Variants in STXBP5 observed in about 807,000 individuals in gnomAD.
STXBP5 encodes syntaxin-binding protein 5.
STXBP5 carries 50 observed loss-of-function variants against 152.4 expected under a neutral mutation model. The ratio of observed to expected loss-of-function variants is 0.33; its 90% CI spans 0.26 to 0.42. STXBP5 has a LOEUF of 0.42. STXBP5 is among the 10% of genes least tolerant of loss of function. The pLI is 1.00. For missense variants in STXBP5, 1,167 were observed against 1,388.6 expected (o/e 0.84, Z 2.54); for synonymous variants, 492 against 494.7 (o/e 0.99, Z 0.07).
At chr6:147,377,490 A>G (rs1785865701) in intron 26 of STXBP5, among the ~76,000 whole-genome samples, 1 of 152,218 alleles carries the variant, frequency 6.6e-6, no homozygotes, top group South Asian at 2.1e-4. Context: ...TGCTATATCA[A>G]AATACCATAA....
chr6:147,378,409 TAAAAAAAA>T (rs34601059), intron 26 of STXBP5, among the ~76,000 whole-genome samples: 1 of 136,064 alleles, frequency 7.3e-6, no homozygotes, highest in East Asian at 2.2e-4. Context: ...GATTTATCAT[TAAAAAAAA>T]AAAAAAAAAA....
intron 4 of STXBP5, among the ~76,000 whole-genome samples, 177 bp downstream of exon 4, chr6:147,239,447 T>A (rs896868140): frequency 6.6e-6 from 1 of 152,228 alleles, no homozygotes; most frequent in East Asian, 1.9e-4. Flanking sequence ...CATCTTACTT[T>A]CTTCAGCAAC....
intron 25 of STXBP5, among the ~76,000 whole-genome samples, chr6:147,364,702 G>T (rs894123060): frequency 1.3e-5 from 2 of 152,178 alleles, no homozygotes; most frequent in Non-Finnish European, 2.9e-5. Context: ...AGTGCTGTAT[G>T]TGCTTCTGTG....
intron 4 of STXBP5, among the ~76,000 whole-genome samples, chr6:147,246,059 G>A (rs1778796570): frequency 6.6e-6 from 1 of 152,200 alleles, no homozygotes; most frequent in African/African-American, 2.4e-5. Flanking sequence ...TGATATTGGT[G>A]AGCCTTGTTA....
At chr6:147,328,923 T>C (rs1257999472) in intron 18 of STXBP5, 1 of 288,328 alleles carries the variant, frequency 3.5e-6, no homozygotes, top group East Asian at 9.1e-5. Flanking sequence ...GACATGTATA[T>C]GAAAACAGCT....
intron 2 of STXBP5, among the ~76,000 whole-genome samples, chr6:147,211,422 GATTA>G (rs1193202984): frequency 6.6e-6 from 1 of 151,552 alleles, no homozygotes; most frequent in African/African-American, 2.4e-5. Context: ...ATGCTAAATT[GATTA>G]ATGACTTTCT....
chr6:147,343,467 A>C (rs1784181799), intron 21 of STXBP5, among the ~76,000 whole-genome samples: 1 of 152,160 alleles, frequency 6.6e-6, no homozygotes, highest in Non-Finnish European at 1.5e-5. Flanking sequence ...AAGCAGTTCT[A>C]ACACCTTTAT....
intron 26 of STXBP5, among the ~76,000 whole-genome samples, chr6:147,378,483 T>C (rs1226786260): frequency 1.3e-5 from 2 of 151,790 alleles, no homozygotes; most frequent in Non-Finnish European, 2.9e-5. Flanking sequence ...ATGTCACTCT[T>C]AATGCAGGAA....
intron 25 of STXBP5, among the ~76,000 whole-genome samples, chr6:147,366,568 C>T (rs923748657): frequency 6.6e-6 from 1 of 152,186 alleles, no homozygotes; most frequent in Non-Finnish European, 1.5e-5. Flanking sequence ...TGGGCCACAT[C>T]ACTGGAATCT....
chr6:147,227,596 T>C (rs1777783563), intron 2 of STXBP5, among the ~76,000 whole-genome samples: 1 of 152,188 alleles, frequency 6.6e-6, no homozygotes, highest in East Asian at 1.9e-4. Context: ...AAGTATCTTA[T>C]AGTTAATTCT....
chr6:147,306,808 T>A (rs2128367026), intron 9 of STXBP5, among the ~76,000 whole-genome samples: 1 of 152,296 alleles, frequency 6.6e-6, no homozygotes, highest in East Asian at 1.9e-4. Flanking sequence ...TGCCATCCCT[T>A]CTGGGGACTG....
intron 19 of STXBP5, among the ~76,000 whole-genome samples, chr6:147,335,681 T>A (rs1408341691): frequency 6.6e-6 from 1 of 152,102 alleles, no homozygotes; most frequent in African/African-American, 2.4e-5. Context: ...GCGCCTGTAG[T>A]CCCAGCTACT....
chr6:147,293,031 T>C (rs1424274677), intron 9 of STXBP5: 1 of 152,168 alleles, frequency 6.6e-6, no homozygotes, highest in African/African-American at 2.4e-5. Context: ...TACTGTACCT[T>C]TTCTATGTTT....
chr6:147,382,758 G>T lies in STXBP5; in HGVS notation c.3194-20G>T. ...ATGTTCATGTTTTGAGTTACTCTTTGATTTATCAAATGTGTTCAGTTGGAG... is the reference window on the plus strand; with the variant it reads ...ATGTTCATGTTTTGAGTTACTCTTTTATTTATCAAATGTGTTCAGTTGGAG... On this transcript the variant is annotated intron_variant, in intron 26 of 27. Transcript: ENST00000321680. The T allele has an allele frequency of 6.2e-7, 1 of 1,609,138 alleles. No individual in the cohort carries two copies. Among genetic ancestry groups the T allele is most frequent in the South Asian group, 1.1e-5 (1 of 90,506 alleles).
chr6:147,325,450 T>G (rs973369631), intron 17 of STXBP5, among the ~76,000 whole-genome samples: 2 of 152,192 alleles, frequency 1.3e-5, no homozygotes, highest in Non-Finnish European at 2.9e-5. Context: ...TAAAACTGAT[T>G]TTTGTAAATG....
chr6:147,267,153 T>TA lies in STXBP5; in HGVS notation c.701dup (p.Tyr234Ter). The TA allele has an allele frequency of 6.2e-7, 1 of 1,609,422 alleles. No individual in the cohort carries two copies. The highest frequency in any genetic ancestry group is 8.5e-7 in the Non-Finnish European group (1 of 1,178,268). Residue 234 changes from tyrosine to a stop codon, truncating the protein, a stop_gained and frameshift_variant, in exon 7 of 28, where the codon TAC becomes TAAC. Coordinates refer to ENST00000321680, the MANE Select transcript of STXBP5 (RefSeq NM_001127715.4). LOFTEE classifies it high-confidence loss of function. ...CAAATCAAAGAAAGCCGACTACAGA[T>TA]ACACATATGATGAGGTAATATTATT... ...DLKSKKADYR[Y>*]TYDEAIHSVA...
At chr6:147,363,271 G>A in intron 23 of STXBP5, 64 bp from the exon 24 acceptor site, 1 of 1,469,996 alleles carries the variant, frequency 6.8e-7, no homozygotes, top group Non-Finnish European at 9.1e-7. Flanking sequence ...GTCAAAGTTA[G>A]AATAAACGTG....
intron 10 of STXBP5, 45 bp downstream of exon 10, chr6:147,310,283 A>AC: frequency 8.5e-7 from 1 of 1,175,976 alleles, no homozygotes; most frequent in Non-Finnish European, 1.1e-6. Context: ...GAGAGCTGAT[A>AC]TTAAAAAAAA....
intron 2 of STXBP5, among the ~76,000 whole-genome samples, chr6:147,213,477 T>TGTGTGTGTGCGCGCGCGCGCGC: frequency 1.4e-4 from 18 of 131,274 alleles, no homozygotes; most frequent in African/African-American, 4.8e-4. Context: ...TGTGTGTGTG[T>TGTGTGTGTGCGCGCGCGCGCGC]GCGCGCGCAT....
Sources: allele counts gnomAD v4.1 joint callset (sites outside exome capture counted in the v4.1 genomes callset), GRCh38; gene constraint gnomAD v4.1.1; transcripts MANE v1.5; gene names NCBI Gene and HGNC (gene_info 2026-07-23, HGNC 2026-07-21).